STAU2: variants seen among roughly 807,000 people sequenced by gnomAD.
STAU2 encodes the protein double-stranded RNA-binding protein Staufen homolog 2.
STAU2 carries 20 observed loss-of-function variants against 65.9 expected under a neutral mutation model. The observed-to-expected ratio is 0.30, with a 90% confidence interval of 0.21 to 0.44. The LOEUF (loss-of-function observed/expected upper bound fraction) is 0.44. Ranked by LOEUF, STAU2 falls within the 20% of genes least tolerant of loss-of-function variation. STAU2 has a pLI of 1.00. For synonymous variants in STAU2, 232 were observed against 233.9 expected (o/e 0.99, Z 0.07); for missense variants, 558 against 683.9 (o/e 0.82, Z 2.05).
At chr8:73,554,650 T>C (rs895837929) in intron 12 of STAU2, among the ~76,000 whole-genome samples, 1 of 152,232 alleles carries the variant, frequency 6.6e-6, no homozygotes, top group Non-Finnish European at 1.5e-5. Context: ...AACTGGTTTC[T>C]GGATTTCTCA....
At chr8:73,692,324 A>G (rs1026839704) in intron 4 of STAU2, among the ~76,000 whole-genome samples, 3 of 151,960 alleles carry the variant, frequency 2.0e-5, no homozygotes, top group African/African-American at 7.3e-5. Context: ...CAGCCCCCCA[A>G]GTAGCTGGCA....
At chr8:73,674,625 C>A (rs1034570541) in intron 5 of STAU2, among the ~76,000 whole-genome samples, 1 of 151,138 alleles carries the variant, frequency 6.6e-6, no homozygotes, top group African/African-American at 2.4e-5. Flanking sequence ...GCAAATAAAT[C>A]ATAAACTATT....
At chr8:73,587,276 G>T (rs987267094) in intron 11 of STAU2, among the ~76,000 whole-genome samples, 1 of 152,008 alleles carries the variant, frequency 6.6e-6, no homozygotes, top group Non-Finnish European at 1.5e-5. Flanking sequence ...CAGACCACAA[G>T]ATCTCAAAAA....
At chr8:73,448,553 G>A (rs578155705) in intron 13 of STAU2, among the ~76,000 whole-genome samples, 1 of 152,340 alleles carries the variant, frequency 6.6e-6, no homozygotes, top group East Asian at 1.9e-4. Context: ...AAAGTGCTAG[G>A]ATTACAGGCA....
intron 13 of STAU2, among the ~76,000 whole-genome samples, chr8:73,525,783 C>T (rs1177368250): frequency 6.6e-6 from 1 of 152,198 alleles, no homozygotes; most frequent in Non-Finnish European, 1.5e-5. Flanking sequence ...ACATTTGCCT[C>T]TACCATGAGT....
intron 13 of STAU2, chr8:73,551,084 C>T (rs1440539613): frequency 1.0e-6 from 1 of 987,250 alleles, no homozygotes; most frequent in Non-Finnish European, 1.2e-6. Flanking sequence ...TCTCTACACA[C>T]AAGCAAACTA....
At chr8:73,504,850 T>A (rs1344986518) in intron 13 of STAU2, among the ~76,000 whole-genome samples, 1 of 152,186 alleles carries the variant, frequency 6.6e-6, no homozygotes, top group Non-Finnish European at 1.5e-5. Context: ...CTACAATGAT[T>A]AACTTAGAGA....
At chr8:73,534,655 A>C (rs1806067083) in intron 13 of STAU2, among the ~76,000 whole-genome samples, 2 of 152,220 alleles carry the variant, frequency 1.3e-5, no homozygotes, top group South Asian at 4.1e-4. Flanking sequence ...AATAAAATAA[A>C]TTACAAGATA....
chr8:73,422,944 A>G lies in STAU2; in HGVS notation c.1531-242T>C, dbSNP rs1242223268. Among the ~76,000 whole-genome samples, 24 of 152,192 alleles carry G rather than the reference A, an allele frequency of 1.6e-4. 1 individual carries two copies. The highest frequency in any genetic ancestry group is 1.6e-3 in the Admixed American group (24 of 15,270). On this transcript the variant is annotated intron_variant, in intron 13 of 14. Transcript: ENST00000524300. ...TTCTCCACAGTTTTGCAAAATTGTGATGTTTTATCTGCAAACATGGCAACA... is the reference window on the plus strand; with the variant it reads ...TTCTCCACAGTTTTGCAAAATTGTGGTGTTTTATCTGCAAACATGGCAACA...
At chr8:73,744,331 G>C (rs570142072) in intron 1 of STAU2, among the ~76,000 whole-genome samples, 244 of 152,026 alleles carry the variant, frequency 1.6e-3, no homozygotes, top group Non-Finnish European at 2.8e-3. Flanking sequence ...CATACTGTGC[G>C]TGTCTCAAAC....
chr8:73,617,980 C>T (rs756666420), intron 6 of STAU2, among the ~76,000 whole-genome samples: 1 of 152,056 alleles, frequency 6.6e-6, no homozygotes, highest in African/African-American at 2.4e-5. Flanking sequence ...ATACATTTTA[C>T]GGTGCCTGAG....
At chr8:73,566,379 T>C (rs899628259) in intron 12 of STAU2, among the ~76,000 whole-genome samples, 2 of 152,200 alleles carry the variant, frequency 1.3e-5, no homozygotes, top group Non-Finnish European at 2.9e-5. Flanking sequence ...TCTCAGCCAT[T>C]TAGTGTTTTT....
Position 73,493,160 on chromosome 8 carries a change from A to T in STAU2, c.1530+58852T>A, listed in dbSNP as rs187227578. Among the ~76,000 whole-genome samples the T allele has an allele frequency of 1.8e-3, 278 of 152,036 alleles. 2 individuals are homozygous for T. The highest frequency in any genetic ancestry group is 6.5e-3 in the African/African-American group (268 of 41,548). On this transcript the variant is annotated intron_variant, in intron 13 of 14. Transcript: ENST00000524300. ...TGAGGTCTACCTTAGACCTGAATGT[A>T]AAAGCTGAAACTATAAAGCTTTTAG...
intron 13 of STAU2, among the ~76,000 whole-genome samples, chr8:73,478,505 T>G (rs902569372): frequency 1.3e-5 from 2 of 152,006 alleles, no homozygotes; most frequent in African/African-American, 2.4e-5. Context: ...CCCCTCCACT[T>G]TTTTATACCT....
chr8:73,486,691 T>C (rs1820933448), intron 13 of STAU2, among the ~76,000 whole-genome samples: 1 of 149,958 alleles, frequency 6.7e-6, no homozygotes, highest in African/African-American at 2.4e-5. Flanking sequence ...TCTTGCTCTG[T>C]TACCCAGACT....
chr8:73,551,130 C>T (rs1460723166), intron 13 of STAU2: 2 of 987,420 alleles, frequency 2.0e-6, no homozygotes, highest in South Asian at 4.7e-5. Flanking sequence ...CAGTTCAGTA[C>T]ATGATTTTCA....
At chr8:73,681,390 A>G (rs1818418517) in intron 5 of STAU2, among the ~76,000 whole-genome samples, 2 of 152,200 alleles carry the variant, frequency 1.3e-5, no homozygotes, top group Non-Finnish European at 2.9e-5. Context: ...ACGGAAAGAT[A>G]AAAGTCTTTT....
intron 11 of STAU2, among the ~76,000 whole-genome samples, chr8:73,591,424 C>A (rs1340632594): frequency 2.0e-5 from 3 of 151,866 alleles, no homozygotes; most frequent in Non-Finnish European, 2.9e-5. Flanking sequence ...AACTAAAGGG[C>A]AAAGTTTGTC....
chr8:73,652,845 C>T (rs1057281794), intron 6 of STAU2: 2 of 151,940 alleles, frequency 1.3e-5, no homozygotes, highest in South Asian at 4.2e-4. Context: ...TTCACCAAAC[C>T]ATTATTCAAC....
Sources: allele counts gnomAD v4.1 joint callset (sites outside exome capture counted in the v4.1 genomes callset), GRCh38; gene constraint gnomAD v4.1.1; transcripts MANE v1.5; gene names NCBI Gene and HGNC (gene_info 2026-07-23, HGNC 2026-07-21).